Variants in HGD observed in about 807,000 individuals in gnomAD.
The protein encoded by HGD is homogentisate oxidase.
A neutral mutation model predicts 60.8 loss-of-function variants in HGD; 61 were observed. That is an observed-to-expected ratio of 1.00 (90% confidence interval 0.82 to 1.24). HGD has a LOEUF of 1.24. Ranked by LOEUF, HGD falls within the 50% of genes most tolerant of loss-of-function variation. HGD has a pLI of 0.00. For synonymous variants in HGD, 212 were observed against 187.7 expected, an observed-to-expected ratio of 1.13 and a Z score of -1.06; for missense variants, 542 against 547.1, an observed-to-expected ratio of 0.99 and a Z score of 0.09.
intron 10 of HGD, among the ~76,000 whole-genome samples, chr3:120,643,783 T>G (rs1941070749): frequency 6.6e-6 from 1 of 152,220 alleles, no homozygotes; most frequent in Non-Finnish European, 1.5e-5. Context: ...TTGTTGTTAT[T>G]ATTATTTATT....
At chr3:120,654,066 T>C (rs1042687288) in intron 4 of HGD, among the ~76,000 whole-genome samples, 1 of 152,184 alleles carries the variant, frequency 6.6e-6, no homozygotes, top group Non-Finnish European at 1.5e-5. Flanking sequence ...CACTGCTGGA[T>C]TTTTTAGGGG....
chr3:120,637,995 G>A (rs1408191966), intron 12 of HGD, among the ~76,000 whole-genome samples: 3 of 152,164 alleles, frequency 2.0e-5, no homozygotes, highest in South Asian at 2.1e-4. Context: ...CCATCATGAC[G>A]GTTATGAGTG....
intron 13 of HGD, 79 bp from the exon 14 acceptor site, chr3:120,628,608 G>T (rs1331716889): frequency 1.4e-6 from 2 of 1,460,932 alleles, no homozygotes; most frequent in Non-Finnish European, 1.9e-6. Context: ...TCAACAGAAG[G>T]TATGGGTAGG....
intron 4 of HGD, among the ~76,000 whole-genome samples, chr3:120,666,945 CACTT>C (rs1386473915): frequency 1.3e-5 from 2 of 152,194 alleles, no homozygotes; most frequent in Non-Finnish European, 2.9e-5. Flanking sequence ...ACTTGACTCT[CACTT>C]AATGATGGGA....
At chr3:120,659,201 A>C (rs1941587020) in intron 4 of HGD, among the ~76,000 whole-genome samples, 1 of 152,012 alleles carries the variant, frequency 6.6e-6, no homozygotes. Context: ...TAACTTTTAC[A>C]CTCTACTTCC....
chr3:120,670,062 T>G (rs564540695), intron 4 of HGD, among the ~76,000 whole-genome samples: 1 of 152,328 alleles, frequency 6.6e-6, no homozygotes, highest in South Asian at 2.1e-4. Flanking sequence ...GATAGTTTTA[T>G]AAGGGGATTT....
chr3:120,649,755 C>A (rs539934053), intron 6 of HGD, among the ~76,000 whole-genome samples: 3 of 152,162 alleles, frequency 2.0e-5, no homozygotes, highest in South Asian at 4.2e-4. Context: ...GGAACCCCCC[C>A]AAAAATAGTT....
intron 13 of HGD, among the ~76,000 whole-genome samples, chr3:120,631,098 G>A (rs534980871): frequency 1.3e-5 from 2 of 151,952 alleles, no homozygotes; most frequent in East Asian, 1.9e-4. Flanking sequence ...GGTGGGAGGA[G>A]GGAGAGAATC....
chr3:120,675,455 T>A (rs1708109594), intron 2 of HGD, among the ~76,000 whole-genome samples: 1 of 152,198 alleles, frequency 6.6e-6, no homozygotes, highest in Non-Finnish European at 1.5e-5. Context: ...TCTTTGTGCA[T>A]ACATGTGAAA....
At chr3:120,678,218 C>T (rs1348488480) in intron 1 of HGD, among the ~76,000 whole-genome samples, 1 of 152,194 alleles carries the variant, frequency 6.6e-6, no homozygotes, top group African/African-American at 2.4e-5. Context: ...TCCACTGCAT[C>T]CAATTTTCTA....
chr3:120,677,339 T>C (rs988138666), intron 1 of HGD, among the ~76,000 whole-genome samples: 1 of 152,186 alleles, frequency 6.6e-6, no homozygotes, highest in Admixed American at 6.5e-5. Flanking sequence ...ATCGCTGAAT[T>C]CTTTTTCTCA....
chr3:120,656,926 T>C (rs1941516043), intron 4 of HGD, among the ~76,000 whole-genome samples: 1 of 152,208 alleles, frequency 6.6e-6, no homozygotes, highest in Non-Finnish European at 1.5e-5. Flanking sequence ...AGTCCAAAGG[T>C]AAAATGTCAG....
intron 5 of HGD, among the ~76,000 whole-genome samples, chr3:120,652,207 A>G (rs963892791): frequency 1.8e-4 from 27 of 152,080 alleles, no homozygotes; most frequent in African/African-American, 6.5e-4. Flanking sequence ...TTATATTTCA[A>G]TATCATTAGC....
chr3:120,641,674 A>G lies in HGD; in HGVS notation c.794T>C (p.Val265Ala), dbSNP rs554816026. The G allele has an allele frequency of 1.1e-5, 17 of 1,613,298 alleles. No individual in the cohort carries two copies. The highest frequency in any genetic ancestry group is 6.7e-5 in the African/African-American group (5 of 75,052). Residue 265 changes from valine to alanine, a missense_variant, in exon 11 of 14, where the codon GTT becomes GCT. Coordinates refer to ENST00000283871, the MANE Select transcript of HGD (RefSeq NM_000187.4). ...AAKQDVSPFNVVAWHGNYTPY... is the reference protein window; with the variant it reads ...AAKQDVSPFNAVAWHGNYTPY... ...TGTATAATTCCCGTGCCAGGCCACA[A>G]CATTGAACGGGGAGACATCCTAAAC...
In HGD at chr3:120,629,444, A is replaced by G. The variant is rs148809155; in HGVS notation, c.1189-915T>C. 1.5e-3 allele frequency among the ~76,000 whole-genome samples: 224 copies of G among 152,332 alleles called. 1 individual carries two copies. Among genetic ancestry groups the G allele is most frequent in the African/African-American group, 5.1e-3 (214 of 41,582 alleles). Reference sequence around the variant, plus strand: ...CATTAAATTATTTTTGTCTAAAACAATGGATATGAGTATCGCTGCCTGATT... The same window carrying G: ...CATTAAATTATTTTTGTCTAAAACAGTGGATATGAGTATCGCTGCCTGATT... On this transcript the variant is annotated intron_variant, in intron 13 of 13. Transcript: ENST00000283871.
intron 1 of HGD, chr3:120,677,929 TACTC>T (rs1408358491): frequency 6.6e-6 from 1 of 152,250 alleles, no homozygotes; most frequent in Non-Finnish European, 1.5e-5. Context: ...GGTTCCCTGA[TACTC>T]AGTGGCGTGG....
At chr3:120,676,945 T>G (rs1708142760) in intron 1 of HGD, among the ~76,000 whole-genome samples, 1 of 152,202 alleles carries the variant, frequency 6.6e-6, no homozygotes. Flanking sequence ...TCATGGACAT[T>G]TATTAGTTCC....
At chr3:120,633,111 C>T in intron 13 of HGD, 36 bp downstream of exon 13, 1 of 1,606,132 alleles carries the variant, frequency 6.2e-7, no homozygotes, top group Non-Finnish European at 8.5e-7. Flanking sequence ...GTGGGGAGTT[C>T]AGAGGCCGCT....
In HGD at chr3:120,647,000, T is replaced by C. The variant is rs1941185661; in HGVS notation, c.522A>G (p.Val174=). 6.2e-7 allele frequency: 1 copy of C among 1,613,944 alleles called. No homozygotes were observed. The highest frequency in any genetic ancestry group is 8.5e-7 in the Non-Finnish European group (1 of 1,179,954). Residue 174 remains valine, a synonymous_variant, in exon 8 of 14, where the codon GTA becomes GTG. Coordinates refer to ENST00000283871, the MANE Select transcript of HGD (RefSeq NM_000187.4). ...GAATGACGCAGATCTCATTGGGCTGTACAAGCATCTTGCCAAACTCGGTGT... is the reference window on the plus strand; with the variant it reads ...GAATGACGCAGATCTCATTGGGCTGCACAAGCATCTTGCCAAACTCGGTGT... ...LIYTEFGKML[V]QPNEICVIQR... is the part of the protein sequence containing the mutation.
Sources: allele counts gnomAD v4.1 joint callset (sites outside exome capture counted in the v4.1 genomes callset), GRCh38; gene constraint gnomAD v4.1.1; transcripts MANE v1.5; gene names NCBI Gene and HGNC (gene_info 2026-07-23, HGNC 2026-07-21).